ADCY2: variants seen among roughly 807,000 people sequenced by gnomAD.
ADCY2 encodes the protein adenylate cyclase type 2.
A neutral mutation model predicts 125.2 loss-of-function variants in ADCY2; 31 were observed. That is an observed-to-expected ratio of 0.25 (90% CI 0.19 to 0.33). The LOEUF (loss-of-function observed/expected upper bound fraction) is 0.33. ADCY2 is among the 10% of genes least tolerant of loss of function. The probability of loss-of-function intolerance (pLI) is 1.00; values close to 1 mark genes in which losing one functional copy is unlikely to be tolerated. For missense variants in ADCY2, 904 were observed against 1,418.2 expected (o/e 0.64, Z 5.82); for synonymous variants, 512 against 548.4 (o/e 0.93, Z 0.93).
chr5:7,792,782 G>A lies in ADCY2; in HGVS notation c.2628+2982G>A, dbSNP rs139041702. Among the ~76,000 whole-genome samples the A allele has an allele frequency of 1.5e-3, 235 of 152,326 alleles. 1 individual carries two copies. The highest frequency in any genetic ancestry group is 5.4e-3 in the African/African-American group (225 of 41,578). On this transcript the variant is annotated intron_variant, in intron 20 of 24. Coordinates refer to ENST00000338316, the MANE Select transcript of ADCY2 (RefSeq NM_020546.3). ...CCCAACATTGTCTGTTCCTGTGAACGTGAGCTGGTTACTTCCCTGTCCGAG... is the reference window on the plus strand; with the variant it reads ...CCCAACATTGTCTGTTCCTGTGAACATGAGCTGGTTACTTCCCTGTCCGAG...
chr5:7,550,382 G>A (rs1398402123), intron 3 of ADCY2, among the ~76,000 whole-genome samples: 1 of 152,132 alleles, frequency 6.6e-6, no homozygotes, highest in Non-Finnish European at 1.5e-5. Context: ...GTATGAGTCT[G>A]GAATGAGCAT....
At position 7,396,557 on chromosome 5, in the gene ADCY2, G is replaced by A; in HGVS notation, c.210+51G>A. 2 of 1,483,926 alleles carry A rather than the reference G, an allele frequency of 1.3e-6. No homozygotes were observed. Among genetic ancestry groups the A allele is most frequent in the Non-Finnish European group, 1.8e-6 (2 of 1,116,860 alleles). The allele number at this position is 1,483,926 out of a possible 1,614,324, so 91.9% of individuals were successfully genotyped here. A position where few individuals can be genotyped will look rare whatever the true frequency, so the allele number is the denominator to read the frequency against. ...CGCCGCGCCTTCCCCGGCCCTGAGA[G>A]GAGCCCGGCCAGCCGAGCCGCGTCC... On this transcript the variant is annotated intron_variant, in intron 1 of 24. Transcript: ENST00000338316. The surrounding 1 kb of genome is among the most constrained non-coding windows in gnomAD (Gnocchi z 5.7).
At chr5:7,479,956 A>G (rs1173707784) in intron 2 of ADCY2, among the ~76,000 whole-genome samples, 1 of 152,238 alleles carries the variant, frequency 6.6e-6, no homozygotes, top group Non-Finnish European at 1.5e-5. Context: ...GGAAAAGGAC[A>G]TGAACAGATA....
intron 3 of ADCY2, among the ~76,000 whole-genome samples, chr5:7,533,617 G>T (rs546720334): frequency 6.6e-6 from 1 of 151,752 alleles, no homozygotes; most frequent in Non-Finnish European, 1.5e-5. Flanking sequence ...TTCAAAAATA[G>T]CTCTCCCTCT....
rs185627085 is a variant in ADCY2, at chr5:7,791,925, A to G, written c.2628+2125A>G. On this transcript the variant is annotated intron_variant, in intron 20 of 24. Transcript: ENST00000338316. ...TCTGAATCTGGAAATAAAGTGCTAG[A>G]AACTAGCTGGGAGACGGGGGCCAGG... Among the ~76,000 whole-genome samples the G allele has an allele frequency of 3.8e-4, 58 of 152,234 alleles. No homozygotes were observed. In the East Asian group the frequency reaches 0.011, roughly 28 times the overall value.
chr5:7,817,605 T>A (rs926015230), intron 23 of ADCY2, among the ~76,000 whole-genome samples: 1 of 152,056 alleles, frequency 6.6e-6, no homozygotes, highest in African/African-American at 2.4e-5. Context: ...GGTGGGAAGA[T>A]CACTTGATTC....
At chr5:7,666,057 C>T (rs574429659) in intron 4 of ADCY2, among the ~76,000 whole-genome samples, 1 of 151,214 alleles carries the variant, frequency 6.6e-6, no homozygotes, top group South Asian at 2.1e-4. Flanking sequence ...CCAGGATGGT[C>T]TCGATCTCCT....
At chr5:7,599,153 G>C (rs1251261919) in intron 3 of ADCY2, among the ~76,000 whole-genome samples, 10 of 152,128 alleles carry the variant, frequency 6.6e-5, no homozygotes, top group Admixed American at 6.6e-4. Flanking sequence ...GGAGCAGCTG[G>C]ATTTGTGCAG....
At chr5:7,630,278 C>T (rs2126662476) in intron 4 of ADCY2, among the ~76,000 whole-genome samples, 1 of 152,236 alleles carries the variant, frequency 6.6e-6, no homozygotes, top group East Asian at 1.9e-4. Flanking sequence ...GACAAATTTA[C>T]CTGTTTTTAA....
chr5:7,732,704 G>T (rs1377834093), intron 14 of ADCY2, among the ~76,000 whole-genome samples: 1 of 118,286 alleles, frequency 8.5e-6, no homozygotes, highest in African/African-American at 2.9e-5. Flanking sequence ...CTGGTAAATT[G>T]CCTCATGTGT....
chr5:7,689,143 A>G (rs1317852946), intron 4 of ADCY2, among the ~76,000 whole-genome samples: 1 of 152,206 alleles, frequency 6.6e-6, no homozygotes, highest in Non-Finnish European at 1.5e-5. Context: ...ATGGTAAATC[A>G]AAGAAGAATG....
chr5:7,827,021 G>A lies in ADCY2; in HGVS notation c.*150G>A, dbSNP rs1203145050. On this transcript the variant is annotated 3_prime_UTR_variant, in exon 25 of 25. Transcript: ENST00000338316. The stretch of plus-strand genomic sequence containing the variant: ...CGTTCTCGTGACCCAGTGGCATACC[G>A]TTTGGTGTCTGATGTGTGCCCAGAT... 7 of 947,526 alleles carry A rather than the reference G, an allele frequency of 7.4e-6. No individual in the cohort carries two copies. Among genetic ancestry groups the A allele is most frequent in the Non-Finnish European group, 9.2e-6 (6 of 651,754 alleles). The allele number at this position is 947,526 out of a possible 1,614,324, so 58.7% of individuals were successfully genotyped here.
At chr5:7,817,133 T>C (rs907526298) in intron 23 of ADCY2, among the ~76,000 whole-genome samples, 153 bp downstream of exon 23, 3 of 149,436 alleles carry the variant, frequency 2.0e-5, no homozygotes, top group African/African-American at 7.7e-5. Flanking sequence ...AAGGACACTT[T>C]TGAACAAATT....
chr5:7,480,276 G>A (rs1020985351), intron 2 of ADCY2, among the ~76,000 whole-genome samples: 7 of 152,198 alleles, frequency 4.6e-5, no homozygotes, highest in African/African-American at 4.8e-5. Context: ...AATATAAATC[G>A]TTCCATTATA....
At chr5:7,637,472 AG>A (rs1300119822) in intron 4 of ADCY2, among the ~76,000 whole-genome samples, 1 of 151,832 alleles carries the variant, frequency 6.6e-6, no homozygotes, top group African/African-American at 2.4e-5. Flanking sequence ...AGAAGAAGAA[AG>A]GCAACTGAGT....
rs371208693 is a variant in ADCY2, at chr5:7,709,202, C to T, written c.1402-9C>T. The stretch of plus-strand genomic sequence containing the variant: ...GTGCCAGGTGTGATGCTTTGTTTCT[C>T]ACCCCAAGGGAGAACGACGGAGCCC... On this transcript the variant is annotated splice_polypyrimidine_tract_variant and intron_variant, in intron 9 of 24. Coordinates refer to ENST00000338316, the MANE Select transcript of ADCY2 (RefSeq NM_020546.3). The surrounding 1 kb of genome is among the most constrained non-coding windows in gnomAD (Gnocchi z 4.4). 6.4e-5 allele frequency: 102 copies of T among 1,591,860 alleles called. No homozygotes were observed. The highest frequency in any genetic ancestry group is 1.7e-4 in the Middle Eastern group (1 of 5,774).
At chr5:7,444,112 T>G (rs1055941376) in intron 2 of ADCY2, among the ~76,000 whole-genome samples, 1 of 12,752 alleles carries the variant, frequency 7.8e-5, no homozygotes, top group Non-Finnish European at 2.2e-4. Flanking sequence ...TTTTTATCTC[T>G]TTTTTTTTTT....
At chr5:7,721,714 T>G (rs1473663240) in intron 12 of ADCY2, among the ~76,000 whole-genome samples, 6 of 152,188 alleles carry the variant, frequency 3.9e-5, no homozygotes, top group Non-Finnish European at 2.9e-5. Flanking sequence ...TGTAGATGTG[T>G]GTATTATTTC....
In ADCY2 at chr5:7,577,332, T is replaced by C. The variant is rs551052376; in HGVS notation, c.571-48835T>C. ...TTAAAGCATGTGCATGAAGCTGTTC[T>C]GTGGTCTGCAGAGGACTTTAAACTG... is the stretch of plus-strand genomic sequence containing the variant. On this transcript the variant is annotated intron_variant, in intron 3 of 24. Transcript: ENST00000338316. Among the ~76,000 whole-genome samples the C allele has an allele frequency of 2.3e-3, 355 of 152,344 alleles. 2 individuals are homozygous for C. The highest frequency in any genetic ancestry group is 8.3e-3 in the African/African-American group (346 of 41,582).
Sources: allele counts gnomAD v4.1 joint callset (sites outside exome capture counted in the v4.1 genomes callset), GRCh38; gene constraint gnomAD v4.1.1; non-coding constraint Gnocchi (gnomAD v3.1); transcripts MANE v1.5; gene names NCBI Gene and HGNC (gene_info 2026-07-23, HGNC 2026-07-21).